The following ANKS1B variants were observed in gnomAD, a reference collection of about 807,000 sequenced individuals.
ANKS1B encodes ankyrin repeat and sterile alpha motif domain containing 1B, also known as ankyrin repeat and sterile alpha motif domain-containing protein 1B.
In ANKS1B, 36 loss-of-function variants were observed where a neutral mutation model predicts 148.3. The ratio of observed to expected loss-of-function variants is 0.24; its 90% CI spans 0.19 to 0.32. ANKS1B has a LOEUF of 0.32. ANKS1B is among the 10% of genes least tolerant of loss of function. The pLI is 1.00. For synonymous variants in ANKS1B, 542 were observed against 560.8 expected (o/e 0.97, Z 0.47); for missense variants, 1,157 against 1,542.6 (o/e 0.75, Z 4.19).
chr12:99,469,750 G>A (rs1052713388), intron 10 of ANKS1B, among the ~76,000 whole-genome samples: 2 of 152,072 alleles, frequency 1.3e-5, no homozygotes, highest in African/African-American at 4.8e-5. Context: ...ACTAAAATAA[G>A]TTTAAATTTA....
At chr12:99,217,104 T>A (rs2084327418) in intron 14 of ANKS1B, among the ~76,000 whole-genome samples, 2 of 152,166 alleles carry the variant, frequency 1.3e-5, no homozygotes, top group Admixed American at 6.5e-5. Flanking sequence ...GACCAATGAC[T>A]CAGACTTCAA....
chr12:99,863,714 C>CA (rs1463259287), intron 1 of ANKS1B, among the ~76,000 whole-genome samples: 5 of 143,650 alleles, frequency 3.5e-5, no homozygotes, highest in African/African-American at 1.3e-4. Context: ...GACACCGTCT[C>CA]AAAAAAATAA....
chr12:99,569,030 G>GT (rs2097425079), intron 9 of ANKS1B, among the ~76,000 whole-genome samples: 1 of 152,180 alleles, frequency 6.6e-6, no homozygotes, highest in Non-Finnish European at 1.5e-5. Context: ...TCTTTGGTTA[G>GT]TTTTTCTACC....
chr12:99,113,427 T>C (rs2060702260), intron 15 of ANKS1B, among the ~76,000 whole-genome samples: 1 of 152,188 alleles, frequency 6.6e-6, no homozygotes, highest in Admixed American at 6.5e-5. Context: ...TATTAATTAA[T>C]GAATGAGTTG....
intron 1 of ANKS1B, among the ~76,000 whole-genome samples, chr12:99,858,870 T>C (rs769816239): frequency 6.6e-6 from 1 of 152,058 alleles, no homozygotes; most frequent in Non-Finnish European, 1.5e-5. Flanking sequence ...CTTTGGGAAC[T>C]CGGGGAAAGA....
chr12:99,433,824 T>A (rs1488982031), intron 11 of ANKS1B, among the ~76,000 whole-genome samples: 1 of 152,142 alleles, frequency 6.6e-6, no homozygotes, highest in Non-Finnish European at 1.5e-5. Context: ...GGTCTGAGGA[T>A]GATCCTTGGG....
At chr12:99,434,168 T>G (rs1370101900) in intron 11 of ANKS1B, among the ~76,000 whole-genome samples, 1 of 152,066 alleles carries the variant, frequency 6.6e-6, no homozygotes, top group African/African-American at 2.4e-5. Context: ...TCCTTGAACT[T>G]AGAGGAAGAT....
At chr12:99,658,687 T>C (rs1705222142) in intron 8 of ANKS1B, among the ~76,000 whole-genome samples, 1 of 152,106 alleles carries the variant, frequency 6.6e-6, no homozygotes, top group South Asian at 2.1e-4. Context: ...AGTTTCCCTA[T>C]CTGAAAAAAT....
intron 17 of ANKS1B, among the ~76,000 whole-genome samples, chr12:98,913,744 C>T (rs1325046795): frequency 6.6e-6 from 1 of 152,182 alleles, no homozygotes; most frequent in African/African-American, 2.4e-5. Flanking sequence ...TCTCCTGCCT[C>T]AGCCTCCCGA....
chr12:99,034,859 C>T (rs1477832096), intron 17 of ANKS1B, among the ~76,000 whole-genome samples: 1 of 152,132 alleles, frequency 6.6e-6, no homozygotes, highest in East Asian at 1.9e-4. Flanking sequence ...GGGTGAAGGA[C>T]ACTGGAGGAG....
chr12:98,923,523 G>A (rs1420678776), intron 17 of ANKS1B, among the ~76,000 whole-genome samples: 1 of 152,156 alleles, frequency 6.6e-6, no homozygotes, highest in Non-Finnish European at 1.5e-5. Context: ...TGAAGGTTTA[G>A]TTTCTGGTGA....
chr12:99,977,823 A>G (rs1011538782), intron 1 of ANKS1B, among the ~76,000 whole-genome samples: 1 of 152,204 alleles, frequency 6.6e-6, no homozygotes, highest in Admixed American at 6.5e-5. Context: ...TCCTTTTTCA[A>G]ATATAAAATA....
chr12:99,092,671 A>G (rs1220264448), intron 15 of ANKS1B, among the ~76,000 whole-genome samples: 11 of 152,174 alleles, frequency 7.2e-5, no homozygotes, highest in African/African-American at 2.7e-4. Flanking sequence ...AAGCTCTTGC[A>G]AATGCCCTGT....
chr12:99,054,144 T>C (rs1263374823), intron 16 of ANKS1B, among the ~76,000 whole-genome samples: 2 of 152,210 alleles, frequency 1.3e-5, no homozygotes, highest in Non-Finnish European at 2.9e-5. Flanking sequence ...GACTCACTTC[T>C]AAAACTTGGG....
chr12:99,433,934 T>C lies in ANKS1B; in HGVS notation c.1575+9739A>G, dbSNP rs1030066703. 2.0e-5 allele frequency among the ~76,000 whole-genome samples: 3 copies of C among 152,138 alleles called. No individual in the cohort carries two copies. In the East Asian group the frequency reaches 5.8e-4, roughly 29 times the overall value. ...AAAAGTTATTTTAGGATAGAATCCATATTTTAGTCATTTTCATACTCAAAT... is the reference window on the plus strand; with the variant it reads ...AAAAGTTATTTTAGGATAGAATCCACATTTTAGTCATTTTCATACTCAAAT... On this transcript the variant is annotated intron_variant, in intron 11 of 26. Transcript: ENST00000683438.
intron 15 of ANKS1B, among the ~76,000 whole-genome samples, chr12:99,151,837 CTA>C (rs2075007318): frequency 6.6e-6 from 1 of 152,174 alleles, no homozygotes. Context: ...CATGGATGCA[CTA>C]TGATGTTTCA....
In ANKS1B at chr12:99,816,796, A is replaced by G. The variant is rs61940297; in HGVS notation, c.216-4485T>C. ...ATATCCAAAGTAATATGAACTAAAT[A>G]GGCCATTTTCATCCAGGCTCATTAG... is the stretch of plus-strand genomic sequence containing the variant. On this transcript the variant is annotated intron_variant, in intron 2 of 26. Coordinates refer to ENST00000683438, the MANE Select transcript of ANKS1B (RefSeq NM_001352186.2). Among the ~76,000 whole-genome samples the G allele has an allele frequency of 7.1e-3, 1,081 of 151,860 alleles. 7 individuals are homozygous for G. The highest frequency in any genetic ancestry group is 0.013 in the Non-Finnish European group (886 of 67,736).
chr12:98,857,624 T>C (rs2099578648), intron 17 of ANKS1B, among the ~76,000 whole-genome samples: 1 of 151,856 alleles, frequency 6.6e-6, no homozygotes, highest in South Asian at 2.1e-4. Context: ...TGGGAGGCAA[T>C]GTCACTGGTT....
intron 17 of ANKS1B, among the ~76,000 whole-genome samples, chr12:98,841,502 GT>G (rs2099405671): frequency 6.6e-6 from 1 of 152,114 alleles, no homozygotes; most frequent in Non-Finnish European, 1.5e-5. Context: ...AGCCAATTCT[GT>G]TTCTGTCAGC....
Sources: allele counts gnomAD v4.1 joint callset (sites outside exome capture counted in the v4.1 genomes callset), GRCh38; gene constraint gnomAD v4.1.1; transcripts MANE v1.5; gene names NCBI Gene and HGNC (gene_info 2026-07-23, HGNC 2026-07-21).